BCL11B: variants seen among roughly 807,000 people sequenced by gnomAD.
The protein encoded by BCL11B is BCL11 transcription factor B.
In BCL11B, 8 loss-of-function variants were observed where a neutral mutation model predicts 49.9. The observed-to-expected ratio is 0.16, with a 90% CI of 0.09 to 0.29. The LOEUF (loss-of-function observed/expected upper bound fraction) is 0.29, where lower values mean the gene tolerates loss of function less well. Ranked by LOEUF, BCL11B falls within the 10% of genes least tolerant of loss-of-function variation. BCL11B has a pLI of 1.00. For synonymous variants in BCL11B, 739 were observed against 637.4 expected (o/e 1.16, Z -2.40); for missense variants, 1,006 against 1,351.0 (o/e 0.74, Z 4.00).
In BCL11B at chr14:99,212,566, A is replaced by G. The variant is rs574663370; in HGVS notation, c.640+18779T>C. Among the ~76,000 whole-genome samples, 32 of 152,308 alleles carry G rather than the reference A, an allele frequency of 2.1e-4. No homozygotes were observed. The East Asian group carries it at 6.0e-3, about 29-fold the overall frequency. ...AGCTCACAGCCTGGTCTCCCAGGAC[A>G]GCCAGGGAGACAGGAAAGGAGACCC... On this transcript the variant is annotated intron_variant, in intron 3 of 3. Coordinates refer to ENST00000357195, the MANE Select transcript of BCL11B (RefSeq NM_138576.4).
intron 2 of BCL11B, among the ~76,000 whole-genome samples, chr14:99,254,517 C>T (rs1421743463): frequency 1.3e-5 from 2 of 152,156 alleles, no homozygotes; most frequent in East Asian, 1.9e-4. Flanking sequence ...AAAGGCAGGA[C>T]CCTCACAGCC....
chr14:99,186,885 T>C (rs1886868897), intron 3 of BCL11B, among the ~76,000 whole-genome samples: 2 of 152,188 alleles, frequency 1.3e-5, no homozygotes, highest in Non-Finnish European at 2.9e-5. Context: ...TATAAAGGAA[T>C]GAAACTTAAA....
In BCL11B at chr14:99,190,907, C is replaced by CGG. The variant is rs5810925; in HGVS notation, c.641-14714_641-14713dup. Among the ~76,000 whole-genome samples the CGG allele has an allele frequency of 5.5e-3, 838 of 151,384 alleles. 5 individuals are homozygous for CGG. Among genetic ancestry groups the CGG allele is most frequent in the Non-Finnish European group, 7.4e-3 (501 of 67,830 alleles). On this transcript the variant is annotated intron_variant, in intron 3 of 3. Coordinates refer to ENST00000357195, the MANE Select transcript of BCL11B (RefSeq NM_138576.4). ...ACTCCCACCGCCCGCTTCGGCCACA[C>CGG]GGGGGGGGTCACCCTCAAATTAGGG... is the stretch of plus-strand genomic sequence containing the variant.
chr14:99,196,531 GA>G (rs5810928), intron 3 of BCL11B, among the ~76,000 whole-genome samples: 67,842 of 151,976 alleles, frequency 0.45, 15,769 homozygotes, highest in Non-Finnish European at 0.48. Flanking sequence ...CCAGTGGGTT[GA>G]AAACCTAAGG....
At chr14:99,238,236 G>A (rs1216829936) in intron 2 of BCL11B, among the ~76,000 whole-genome samples, 1 of 152,018 alleles carries the variant, frequency 6.6e-6, no homozygotes, top group Non-Finnish European at 1.5e-5. Flanking sequence ...GCCAAGGAAT[G>A]ATCGCGTCCC....
intron 3 of BCL11B, among the ~76,000 whole-genome samples, chr14:99,186,305 G>A (rs1442747167): frequency 6.6e-6 from 1 of 152,264 alleles, no homozygotes; most frequent in African/African-American, 2.4e-5. Context: ...CACATCACCT[G>A]AGGTCAGGAG....
intron 2 of BCL11B, among the ~76,000 whole-genome samples, chr14:99,235,746 G>T (rs578007164): frequency 6.6e-6 from 1 of 151,998 alleles, no homozygotes; most frequent in African/African-American, 2.4e-5. Context: ...GGACGCTACA[G>T]CGGTGGCAGC....
Position 99,248,043 on chromosome 14 carries a change from G to T in BCL11B, c.427+9428C>A, listed in dbSNP as rs1595072400. ...CTGACTTTTCACCTCCAACAAAAAG[G>T]CTATTTTGTTACTATTTTTCCGCCC... On this transcript the variant is annotated intron_variant, in intron 2 of 3. Transcript: ENST00000357195. This position sits in a 1 kb window ranked among gnomAD's most constrained non-coding sequence, Gnocchi z 4.7. Among the ~76,000 whole-genome samples the T allele has an allele frequency of 6.6e-6, 1 of 152,302 alleles. No homozygotes were observed. Among genetic ancestry groups the T allele is most frequent in the South Asian group, 2.1e-4 (1 of 4,826 alleles).
intron 3 of BCL11B, among the ~76,000 whole-genome samples, chr14:99,210,788 T>C (rs1274768137): frequency 2.6e-5 from 4 of 152,168 alleles, no homozygotes; most frequent in Non-Finnish European, 5.9e-5. Context: ...ACTTTGACAC[T>C]GACGTGCGGA....
intron 3 of BCL11B, among the ~76,000 whole-genome samples, chr14:99,219,327 C>A (rs1044007007): frequency 1.3e-5 from 2 of 152,200 alleles, no homozygotes; most frequent in African/African-American, 4.8e-5. Context: ...AGCCACCGCA[C>A]CCGACCACAG....
At position 99,175,093 on chromosome 14, in the gene BCL11B, GC is replaced by G. The variant is rs1886447945; in HGVS notation, c.1742del (p.Gly581AlafsTer24). Reference protein sequence around the residue: ...GGVPGVPGAGGGAAKALADEK... With the variant: ...GGVPGVPGAGXGAAKALADEK... The stretch of plus-strand genomic sequence containing the variant: ...CGTCAGCCAGCGCCTTGGCCGCGCC[GC>G]CCCCCGCGCCCGGGACCCCGGGCAC... On this transcript the variant is annotated frameshift_variant, in exon 4 of 4. Transcript: ENST00000357195. LOFTEE classifies it high-confidence loss of function. The G allele has an allele frequency of 2.5e-6, 4 of 1,598,064 alleles. No homozygotes were observed. Among genetic ancestry groups the G allele is most frequent in the Non-Finnish European group, 8.5e-7 (1 of 1,176,202 alleles).
At position 99,221,842 on chromosome 14, in the gene BCL11B, G is replaced by A. The variant is rs192651973; in HGVS notation, c.640+9503C>T. 3.3e-5 allele frequency among the ~76,000 whole-genome samples: 5 copies of A among 152,360 alleles called. No homozygotes were observed. The East Asian group carries it at 9.7e-4, about 29-fold the overall frequency. The stretch of plus-strand genomic sequence containing the variant: ...ATCGCAGTGAGTTCCTCTAGGGCAA[G>A]GACCCTGTCACGCCCATTTCTGGAC... On this transcript the variant is annotated intron_variant, in intron 3 of 3. Coordinates refer to ENST00000357195, the MANE Select transcript of BCL11B (RefSeq NM_138576.4).
intron 3 of BCL11B, among the ~76,000 whole-genome samples, chr14:99,181,797 G>A (rs1354131096): frequency 6.6e-6 from 1 of 152,202 alleles, no homozygotes; most frequent in East Asian, 1.9e-4. Context: ...AGGGCCCCCT[G>A]TGGCAGCTCC....
At chr14:99,204,405 C>A (rs901855576) in intron 3 of BCL11B, among the ~76,000 whole-genome samples, 6 of 152,220 alleles carry the variant, frequency 3.9e-5, no homozygotes, top group African/African-American at 1.4e-4. Flanking sequence ...CGAGCTCTTC[C>A]ATCTGCAGTG....
rs1887163448 is a variant in BCL11B at position 99,195,792 on chromosome 14, C to A, written c.641-19597G>T. 6.6e-6 allele frequency among the ~76,000 whole-genome samples: 1 copy of A among 152,152 alleles called. No homozygotes were observed. ...TCCTGTCACCCTTCACCACCCAACA[C>A]CATCTGACACATAGTAGGTGCTCAG... On this transcript the variant is annotated intron_variant, in intron 3 of 3. Coordinates refer to ENST00000357195, the MANE Select transcript of BCL11B (RefSeq NM_138576.4). The surrounding 1 kb of genome is among the most constrained non-coding windows in gnomAD (Gnocchi z 4.7).
intron 3 of BCL11B, among the ~76,000 whole-genome samples, chr14:99,214,465 G>T (rs1229901761): frequency 6.6e-6 from 1 of 151,880 alleles, no homozygotes; most frequent in Non-Finnish European, 1.5e-5. Context: ...GGCTGAGACA[G>T]GAGGATCACT....
chr14:99,189,827 TG>T (rs1231982577), intron 3 of BCL11B, among the ~76,000 whole-genome samples: 3 of 152,156 alleles, frequency 2.0e-5, no homozygotes. Flanking sequence ...TGGGAGCACC[TG>T]GAGCAAGAAG....
chr14:99,257,913 C>G lies in BCL11B; in HGVS notation c.59-74G>C. ...CTTAGGCGGTCACAGCACCCAACTT[C>G]CGGTCCACCCCTTCCCCGCCAAGAA... On this transcript the variant is annotated intron_variant, in intron 1 of 3. Coordinates refer to ENST00000357195, the MANE Select transcript of BCL11B (RefSeq NM_138576.4). The surrounding 1 kb of genome is among the most constrained non-coding windows in gnomAD (Gnocchi z 6.2). 7.1e-7 allele frequency: 1 copy of G among 1,412,884 alleles called. No individual in the cohort carries two copies. The highest frequency in any genetic ancestry group is 9.3e-7 in the Non-Finnish European group (1 of 1,077,352). 87.5% of individuals were successfully genotyped at this position (1,412,884 alleles called of 1,614,324 possible). A position where few individuals can be genotyped will look rare whatever the true frequency, so the allele number is the denominator to read the frequency against.
rs753227225 is a variant in BCL11B at position 99,175,237 on chromosome 14, C to T, written c.1599G>A (p.Glu533=). Reference sequence around the variant, plus strand: ...CCTCCTCCTCCTCCTCCTCCTCGTCCTCCTCCTCCGGCTCGTGGCCCAGCG... The same window carrying T: ...CCTCCTCCTCCTCCTCCTCCTCGTCTTCCTCCTCCGGCTCGTGGCCCAGCG... ...DPSLGHEPEE[E]DEEEEEEEEE... Residue 533 remains glutamate, a synonymous_variant, in exon 4 of 4, where the codon GAG becomes GAA. Transcript: ENST00000357195. The T allele has an allele frequency of 1.4e-5, 21 of 1,548,010 alleles. No homozygotes were observed. The South Asian group carries it at 2.2e-4, about 16-fold the overall frequency.
Sources: allele counts gnomAD v4.1 joint callset (sites outside exome capture counted in the v4.1 genomes callset), GRCh38; gene constraint gnomAD v4.1.1; non-coding constraint Gnocchi (gnomAD v3.1); transcripts MANE v1.5; gene names NCBI Gene and HGNC (gene_info 2026-07-23, HGNC 2026-07-21).